The following BRINP2 variants were observed in gnomAD, a reference collection of about 807,000 sequenced individuals.
BRINP2 encodes the protein BMP/retinoic acid inducible neural specific 2.
Under a neutral mutation model 69.2 loss-of-function variants are expected in BRINP2, and 21 were observed. The observed-to-expected ratio is 0.30, with a 90% confidence interval of 0.22 to 0.44. BRINP2 has a LOEUF of 0.44. Among genes scored for constraint, BRINP2 ranks in the 20% least tolerant of loss-of-function variants. The pLI, the probability that BRINP2 is intolerant of heterozygous loss-of-function variation, is 1.00. For synonymous variants in BRINP2, 380 were observed against 394.1 expected, an observed-to-expected ratio of 0.96 and a Z score of 0.42; for missense variants, 877 against 986.0, an observed-to-expected ratio of 0.89 and a Z score of 1.48.
In BRINP2 at chr1:177,241,123, C is replaced by T. The variant is rs562222618; in HGVS notation, c.269+10978C>T. ...AGTAGCTGGGACTACAGGCATCCAC[C>T]ACCATGCCCGGCTAATTTTTTGTAT... is the stretch of plus-strand genomic sequence containing the variant. On this transcript the variant is annotated intron_variant, in intron 2 of 7. Transcript: ENST00000361539. Among the ~76,000 whole-genome samples, 4 of 152,288 alleles carry T rather than the reference C, an allele frequency of 2.6e-5. No individual in the cohort carries two copies. In the South Asian group the frequency reaches 8.3e-4, roughly 32 times the overall value.
At position 177,254,377 on chromosome 1, in the gene BRINP2, T is replaced by C. The variant is rs1023112610; in HGVS notation, c.270-1542T>C. 1.5e-3 allele frequency among the ~76,000 whole-genome samples: 191 copies of C among 129,120 alleles called. 2 individuals carry two copies. Among genetic ancestry groups the C allele is most frequent in the Middle Eastern group, 7.8e-3 (2 of 256 alleles). The allele number at this position is 129,120 out of a possible 152,430, so 84.7% of individuals were successfully genotyped here. The stretch of plus-strand genomic sequence containing the variant: ...TTGCACCTAAACACATAAGCACACA[T>C]GCACACACACACACACACACACACA... On this transcript the variant is annotated intron_variant, in intron 2 of 7. Transcript: ENST00000361539.
intron 6 of BRINP2, among the ~76,000 whole-genome samples, chr1:177,278,151 G>T (rs1651562276): frequency 6.6e-6 from 1 of 152,120 alleles, no homozygotes; most frequent in African/African-American, 2.4e-5. Context: ...TCACCTTCAT[G>T]AGGGCCCCAC....
chr1:177,269,935 G>C (rs1462375597), intron 4 of BRINP2, among the ~76,000 whole-genome samples: 1 of 152,148 alleles, frequency 6.6e-6, no homozygotes, highest in Non-Finnish European at 1.5e-5. Flanking sequence ...AACAGTGTGT[G>C]CCTGAGTGAA....
At chr1:177,235,106 T>G (rs1649978027) in intron 2 of BRINP2, among the ~76,000 whole-genome samples, 2 of 152,174 alleles carry the variant, frequency 1.3e-5, no homozygotes, top group South Asian at 4.1e-4. Context: ...AAGTGCAGTC[T>G]TTGGACCCCC....
chr1:177,245,387 A>T (rs920655017), intron 2 of BRINP2, among the ~76,000 whole-genome samples: 1 of 152,210 alleles, frequency 6.6e-6, no homozygotes, highest in Non-Finnish European at 1.5e-5. Flanking sequence ...GCCTATATAA[A>T]AATTAAATGC....
At chr1:177,238,686 T>C (rs1419599819) in intron 2 of BRINP2, among the ~76,000 whole-genome samples, 2 of 152,030 alleles carry the variant, frequency 1.3e-5, no homozygotes, top group Admixed American at 6.6e-5. Context: ...AATTCTCCCA[T>C]GGGAAGAAAA....
intron 1 of BRINP2, among the ~76,000 whole-genome samples, chr1:177,221,834 T>C (rs560079023): frequency 2.0e-5 from 3 of 152,166 alleles, no homozygotes; most frequent in Non-Finnish European, 4.4e-5. Flanking sequence ...AGCAACCGCA[T>C]AATCAATGCA....
At chr1:177,226,336 G>T (rs943076452) in intron 1 of BRINP2, among the ~76,000 whole-genome samples, 1 of 152,112 alleles carries the variant, frequency 6.6e-6, no homozygotes, top group Admixed American at 6.5e-5. Flanking sequence ...GACCTTAAGG[G>T]GTCCATAAAC....
In BRINP2 at chr1:177,257,035, T is replaced by G. The variant is rs780257190; in HGVS notation, c.461-141T>G. On this transcript the variant is annotated intron_variant, in intron 3 of 7. Coordinates refer to ENST00000361539, the MANE Select transcript of BRINP2 (RefSeq NM_021165.4). ...TCTGATGAGCTTCTTCTAAAGATGG[T>G]AAGGGCTGGGGGAAGAGCTTGGCAG... 9 of 1,543,578 alleles carry G rather than the reference T, an allele frequency of 5.8e-6. No individual in the cohort carries two copies. The South Asian group carries it at 8.4e-5, about 14-fold the overall frequency.
intron 2 of BRINP2, among the ~76,000 whole-genome samples, chr1:177,254,509 TG>T (rs1394388388): frequency 2.6e-5 from 4 of 152,098 alleles, no homozygotes; most frequent in African/African-American, 9.7e-5. Context: ...TAAGATGAAA[TG>T]GGAAGTGCAC....
chr1:177,206,755 A>G (rs770003346), intron 1 of BRINP2, among the ~76,000 whole-genome samples: 2 of 152,178 alleles, frequency 1.3e-5, no homozygotes, highest in Admixed American at 6.6e-5. Context: ...TGACTTATGG[A>G]TACTCAACGT....
chr1:177,246,456 C>T (rs1017656458), intron 2 of BRINP2, among the ~76,000 whole-genome samples: 1 of 152,212 alleles, frequency 6.6e-6, no homozygotes, highest in Non-Finnish European at 1.5e-5. Context: ...TCCCTTTCCC[C>T]CAAGGTCCCT....
intron 1 of BRINP2, among the ~76,000 whole-genome samples, chr1:177,188,124 GTTA>G (rs71664318): frequency 0.12 from 17,867 of 152,116 alleles, 1,780 homozygotes; most frequent in African/African-American, 0.27. Flanking sequence ...CATTCTTGCT[GTTA>G]TTATTGTTAT....
chr1:177,247,969 C>T (rs906527530), intron 2 of BRINP2, among the ~76,000 whole-genome samples: 7 of 151,974 alleles, frequency 4.6e-5, no homozygotes, highest in East Asian at 3.9e-4. Flanking sequence ...TGGAGGGGGG[C>T]GGATAGAGCT....
chr1:177,198,201 C>T (rs1162728055), intron 1 of BRINP2, among the ~76,000 whole-genome samples: 1 of 152,056 alleles, frequency 6.6e-6, no homozygotes, highest in Non-Finnish European at 1.5e-5. Flanking sequence ...GAAATGTTCA[C>T]ATATATATTA....
chr1:177,249,630 G>A (rs114944872), intron 2 of BRINP2, among the ~76,000 whole-genome samples: 2,613 of 152,254 alleles, frequency 0.017, 86 homozygotes, highest in African/African-American at 0.06. Flanking sequence ...CTTAATTGAA[G>A]CAGTGTGTGT....
At position 177,230,370 on chromosome 1, in the gene BRINP2, T is replaced by C. The variant is rs186562802; in HGVS notation, c.269+225T>C. Among the ~76,000 whole-genome samples, 3 of 152,308 alleles carry C rather than the reference T, an allele frequency of 2.0e-5. No individual in the cohort carries two copies. The East Asian group carries it at 5.8e-4, about 29-fold the overall frequency. ...AGCTGGAAAACCTGCTGATACCTCC[T>C]GGGGAACTTAGCAAAAGGGTTTCTA... On this transcript the variant is annotated intron_variant, in intron 2 of 7. Transcript: ENST00000361539.
At chr1:177,193,157 T>A (rs1648641577) in intron 1 of BRINP2, among the ~76,000 whole-genome samples, 1 of 152,188 alleles carries the variant, frequency 6.6e-6, no homozygotes, top group South Asian at 2.1e-4. Context: ...TTCTTCTCCC[T>A]TTCTATCTGT....
chr1:177,226,513 C>T (rs1571914944), intron 1 of BRINP2, among the ~76,000 whole-genome samples: 2 of 152,116 alleles, frequency 1.3e-5, no homozygotes, highest in African/African-American at 4.8e-5. Context: ...AATGGGAGAG[C>T]CTACAGTTAT....
Sources: allele counts gnomAD v4.1 joint callset (sites outside exome capture counted in the v4.1 genomes callset), GRCh38; gene constraint gnomAD v4.1.1; transcripts MANE v1.5; gene names NCBI Gene and HGNC (gene_info 2026-07-23, HGNC 2026-07-21).